Variants in DSC3 observed in about 807,000 individuals in gnomAD.
The protein encoded by DSC3 is desmocollin 3, also known as desmocollin-3.
In DSC3, 97 loss-of-function variants were observed where a neutral mutation model predicts 89.5. The ratio of observed to expected loss-of-function variants is 1.08; its 90% CI spans 0.92 to 1.28. The LOEUF (loss-of-function observed/expected upper bound fraction) is 1.28. DSC3 is among the 50% of genes most tolerant of loss of function. The pLI, the probability that DSC3 is intolerant of heterozygous loss-of-function variation, is 0.00. For missense variants in DSC3, 1,199 were observed against 1,085.3 expected (o/e 1.10, Z -1.47); for synonymous variants, 436 against 384.1 (o/e 1.14, Z -1.58).
Position 30,994,287 on chromosome 18 carries a change from GGA to G in DSC3, c.2577_2578del (p.Pro860SerfsTer9). 6.2e-7 allele frequency: 1 copy of G among 1,614,050 alleles called. No individual in the cohort carries two copies. Among genetic ancestry groups the G allele is most frequent in the South Asian group, 1.1e-5 (1 of 91,082 alleles). ...ACTGCAGCAGCCCACAGAACCAGCT[GGA>G]GATCCTCTTCCCTCATAGTTATAAG... On this transcript the variant is annotated frameshift_variant, in exon 16 of 16. Coordinates refer to ENST00000360428, the MANE Select transcript of DSC3 (RefSeq NM_001941.5). LOFTEE classifies it high-confidence loss of function.
rs1477380939 is a variant in DSC3, at chr18:30,991,837, G to A, written c.*2338C>T. 1.3e-5 allele frequency: 2 copies of A among 152,066 alleles called. No individual in the cohort carries two copies. The highest frequency in any genetic ancestry group is 2.4e-5 in the African/African-American group (1 of 41,396). The allele number at this position is 152,066 out of a possible 1,614,324, so 9.4% of individuals were successfully genotyped here. ...ATTCGTATGATCAACTTTCACACAT[G>A]TTCAAAATGATTACATTAAAAGAAG... On this transcript the variant is annotated 3_prime_UTR_variant, in exon 16 of 16. Transcript: ENST00000360428.
chr18:31,008,440 A>T lies in DSC3; in HGVS notation c.1349T>A (p.Val450Glu). 1 of 1,614,036 alleles carries T rather than the reference A, an allele frequency of 6.2e-7. No homozygotes were observed. The highest frequency in any genetic ancestry group is 8.5e-7 in the Non-Finnish European group (1 of 1,180,000). Residue 450 changes from valine to glutamate, a missense_variant, in exon 10 of 16, where the codon GTG becomes GAG. Transcript: ENST00000360428. The stretch of plus-strand genomic sequence containing the variant: ...AACCAAGGCTCTGTTCAAGGCTGTC[A>T]CTCTGGGAATATCTCTAGCAAATGG... The part of the protein sequence containing the change: ...EAPFARDIPR[V>E]TALNRALVTV...
In DSC3 at chr18:31,008,275, C is replaced by T; in HGVS notation, c.1514G>A (p.Gly505Asp). The T allele has an allele frequency of 1.2e-6, 2 of 1,613,986 alleles. No individual in the cohort carries two copies. Among genetic ancestry groups the T allele is most frequent in the Non-Finnish European group, 1.7e-6 (2 of 1,179,932 alleles). ...AYDPENRNGN[G>D]LRYKKLHDPK... ...GTTATAGATTTATTTTTACCTTAAA[C>T]CATTGCCATTTCTATTTTCGGGGTC... The change falls in exon 10 of 16, where the codon GGT (glycine) becomes GAT (aspartate). Residue 505 changes from glycine (G) to aspartate (D), a missense_variant. By Grantham distance (94) the Gly-to-Asp change is moderately conservative. Coordinates refer to ENST00000360428, the MANE Select transcript of DSC3 (RefSeq NM_001941.5).
chr18:31,029,397 G>T lies in DSC3; in HGVS notation c.474+112C>A, dbSNP rs534531787. The T allele has an allele frequency of 4.2e-5, 58 of 1,387,552 alleles. 1 individual carries two copies. In the South Asian group the frequency reaches 6.4e-4, roughly 15 times the overall value. 86.0% of individuals were successfully genotyped at this position (1,387,552 alleles called of 1,614,324 possible). A position where few individuals can be genotyped will look rare whatever the true frequency, so the allele number is the denominator to read the frequency against. On this transcript the variant is annotated intron_variant, in intron 4 of 15. Transcript: ENST00000360428. ...TCATTTTACTTTTGTTACACCTCAT[G>T]AACATCTTTAATCAGATCTGTTTAT... is the stretch of plus-strand genomic sequence containing the variant.
intron 2 of DSC3, among the ~76,000 whole-genome samples, chr18:31,031,408 T>TATATGCTTCTA (rs1301000999): frequency 1.3e-5 from 2 of 152,140 alleles, no homozygotes; most frequent in African/African-American, 4.8e-5. Flanking sequence ...TTTAAACCTT[T>TATATGCTTCTA]ATATGCTTCT....
rs188652309 is a variant in DSC3 at position 31,002,536 on chromosome 18, A to G, written c.2114-797T>C. Among the ~76,000 whole-genome samples, 388 of 152,118 alleles carry G rather than the reference A, an allele frequency of 2.6e-3. 1 individual carries two copies. Among genetic ancestry groups the G allele is most frequent in the African/African-American group, 9.0e-3 (374 of 41,494 alleles). ...ACCAACATGGAGAAACCCCGTCTCTACTAAAAATACAAAATTAGCCGGGCA... is the reference window on the plus strand; with the variant it reads ...ACCAACATGGAGAAACCCCGTCTCTGCTAAAAATACAAAATTAGCCGGGCA... On this transcript the variant is annotated intron_variant, in intron 13 of 15. Coordinates refer to ENST00000360428, the MANE Select transcript of DSC3 (RefSeq NM_001941.5).
At chr18:31,036,381 T>C (rs1449555931) in intron 1 of DSC3, among the ~76,000 whole-genome samples, 1 of 152,204 alleles carries the variant, frequency 6.6e-6, no homozygotes, top group Admixed American at 6.5e-5. Context: ...TAATCACTTA[T>C]CTATTGTTTG....
chr18:31,008,410 A>ACT lies in DSC3; in HGVS notation c.1377_1378dup (p.Val460GlufsTer4). 6.2e-7 allele frequency: 1 copy of ACT among 1,614,156 alleles called. No individual in the cohort carries two copies. Among genetic ancestry groups the ACT allele is most frequent in the South Asian group, 1.1e-5 (1 of 91,084 alleles). On this transcript the variant is annotated frameshift_variant, in exon 10 of 16. Coordinates refer to ENST00000360428, the MANE Select transcript of DSC3 (RefSeq NM_001941.5). LOFTEE classifies it high-confidence loss of function. Reference sequence around the variant, plus strand: ...CCCCTCATCCAGATCCCTCACATGAACTGTAACCAAGGCTCTGTTCAAGGC... The same window carrying ACT: ...CCCCTCATCCAGATCCCTCACATGAACTCTGTAACCAAGGCTCTGTTCAAGGC...
intron 15 of DSC3, among the ~76,000 whole-genome samples, chr18:30,996,192 T>C (rs927102243): frequency 2.6e-5 from 4 of 151,994 alleles, no homozygotes; most frequent in Non-Finnish European, 5.9e-5. Context: ...ATGTTATATT[T>C]CAAAATTGCA....
Position 31,042,542 on chromosome 18 carries a change from G to T in DSC3, c.69+50C>A, listed in dbSNP as rs763394645. ...CCCAGCTCCGTGCAGCGTCCAGGGCGGATCCACCCCCGTCCCCACCCCAGC... is the reference window on the plus strand; with the variant it reads ...CCCAGCTCCGTGCAGCGTCCAGGGCTGATCCACCCCCGTCCCCACCCCAGC... On this transcript the variant is annotated intron_variant, in intron 1 of 15. Coordinates refer to ENST00000360428, the MANE Select transcript of DSC3 (RefSeq NM_001941.5). The T allele has an allele frequency of 2.6e-6, 4 of 1,523,196 alleles. No individual in the cohort carries two copies. The East Asian group carries it at 9.8e-5, about 37-fold the overall frequency. 94.4% of individuals were successfully genotyped at this position (1,523,196 alleles called of 1,614,324 possible). A position where few individuals can be genotyped will look rare whatever the true frequency, so the allele number is the denominator to read the frequency against.
chr18:31,019,711 T>C (rs1296585606), intron 7 of DSC3, among the ~76,000 whole-genome samples: 1 of 151,828 alleles, frequency 6.6e-6, no homozygotes. Flanking sequence ...GATGGACCCT[T>C]GAGTGGGAGT....
chr18:31,009,606 T>A (rs1187278134), intron 9 of DSC3, among the ~76,000 whole-genome samples: 1 of 152,190 alleles, frequency 6.6e-6, no homozygotes, highest in Non-Finnish European at 1.5e-5. Flanking sequence ...ACATTCACAG[T>A]GGATACACAG....
intron 1 of DSC3, among the ~76,000 whole-genome samples, chr18:31,037,231 T>C (rs188234172): frequency 6.6e-6 from 1 of 152,358 alleles, no homozygotes; most frequent in Non-Finnish European, 1.5e-5. Context: ...AGTTGTCCCT[T>C]GATAATATAT....
intron 8 of DSC3, among the ~76,000 whole-genome samples, 155 bp from the exon 9 acceptor site, chr18:31,018,411 T>C (rs1985306749): frequency 6.6e-6 from 1 of 152,156 alleles, no homozygotes; most frequent in South Asian, 2.1e-4. Flanking sequence ...TTAAGGGTTA[T>C]CTTTTAAATA....
At chr18:31,004,022 G>A in intron 13 of DSC3, 120 bp downstream of exon 13, 2 of 751,964 alleles carry the variant, frequency 2.7e-6, no homozygotes, top group Non-Finnish European at 4.4e-6. Context: ...TAATACAAAA[G>A]GAACTTGGAA....
In DSC3 at chr18:31,042,699, G is replaced by T. The variant is rs1986177731; in HGVS notation, c.-39C>A. On this transcript the variant is annotated 5_prime_UTR_variant, in exon 1 of 16. Coordinates refer to ENST00000360428, the MANE Select transcript of DSC3 (RefSeq NM_001941.5). Reference sequence around the variant, plus strand: ...AGGGCCAGGAGAACGCGGGCGCCGGGAGGGTGCCGAGAGCGAGACCTGCCG... The same window carrying T: ...AGGGCCAGGAGAACGCGGGCGCCGGTAGGGTGCCGAGAGCGAGACCTGCCG... 5 of 1,537,550 alleles carry T rather than the reference G, an allele frequency of 3.3e-6. No individual in the cohort carries two copies. Among genetic ancestry groups the T allele is most frequent in the South Asian group, 1.2e-5 (1 of 83,360 alleles).
At position 31,042,645 on chromosome 18, in the gene DSC3, G is replaced by A; in HGVS notation, c.16C>T (p.Pro6Ser). The A allele has an allele frequency of 3.9e-6, 6 of 1,549,682 alleles. No individual in the cohort carries two copies. Among genetic ancestry groups the A allele is most frequent in the Non-Finnish European group, 5.2e-6 (6 of 1,146,466 alleles). The change falls in exon 1 of 16, where the codon CCC becomes TCC. Residue 6 changes from proline to serine, a missense_variant. Pro to Ser is a moderately conservative substitution (Grantham distance 74). Transcript: ENST00000360428. ...ACGGCTCCGCGCACGGAGCGCCGGG[G>A]CCCAGCGGCGGCCATCGGGATGCCG... MAAAG[P>S]RRSVRGAVCL...
chr18:31,011,969 C>CAAAAA lies in DSC3; in HGVS notation c.1264-3449_1264-3445dup, dbSNP rs371759932. The stretch of plus-strand genomic sequence containing the variant: ...AAAGTACTTAAAAGTACTCCATCTC[C>CAAAAA]AAAAAAAAAAAAAAAAAAAGTACTT... On this transcript the variant is annotated intron_variant, in intron 9 of 15. Transcript: ENST00000360428. Among the ~76,000 whole-genome samples, 74 of 51,572 alleles carry CAAAAA rather than the reference C, an allele frequency of 1.4e-3. 1 individual carries two copies. The highest frequency in any genetic ancestry group is 4.1e-3 in the African/African-American group (47 of 11,364). The allele number at this position is 51,572 out of a possible 152,430, so 33.8% of individuals were successfully genotyped here.
rs1233783769 is a variant in DSC3, at chr18:31,011,918, A to C, written c.1264-3393T>G. ...TGAGGCAGGAGAATTGCGACAGCAA[A>C]TTCCAAAAAAAAGAAAAAAAAAAAA... On this transcript the variant is annotated intron_variant, in intron 9 of 15. Coordinates refer to ENST00000360428, the MANE Select transcript of DSC3 (RefSeq NM_001941.5). Among the ~76,000 whole-genome samples the C allele has an allele frequency of 5.2e-5, 7 of 135,844 alleles. No homozygotes were observed. The Admixed American group carries it at 5.4e-4, about 11-fold the overall frequency. The allele number at this position is 135,844 out of a possible 152,430, so 89.1% of individuals were successfully genotyped here. A position where few individuals can be genotyped will look rare whatever the true frequency, so the allele number is the denominator to read the frequency against.
Sources: allele counts gnomAD v4.1 joint callset (sites outside exome capture counted in the v4.1 genomes callset), GRCh38; gene constraint gnomAD v4.1.1; transcripts MANE v1.5; gene names NCBI Gene and HGNC (gene_info 2026-07-23, HGNC 2026-07-21).